UGGT1: variants seen among roughly 807,000 people sequenced by gnomAD.
UGGT1 encodes the protein UDP-glucose glycoprotein glucosyltransferase 1, also known as UDP-glucose:glycoprotein glucosyltransferase 1.
Under a neutral mutation model 203.9 loss-of-function variants are expected in UGGT1, and 107 were observed. That is an observed-to-expected ratio of 0.52 (90% CI 0.45 to 0.62). The LOEUF (loss-of-function observed/expected upper bound fraction) is 0.62. Among genes scored for constraint, UGGT1 ranks in the 20% least tolerant of loss-of-function variants. The pLI is 0.00. For missense variants in UGGT1, 1,673 were observed against 1,867.2 expected, an observed-to-expected ratio of 0.90 and a Z score of 1.92; for synonymous variants, 628 against 653.5, an observed-to-expected ratio of 0.96 and a Z score of 0.59.
Position 128,116,259 on chromosome 2 carries a change from T to C in UGGT1, c.794-6T>C. 5 of 1,578,340 alleles carry C rather than the reference T, an allele frequency of 3.2e-6. No homozygotes were observed. Among genetic ancestry groups the C allele is most frequent in the Non-Finnish European group, 4.3e-6 (5 of 1,149,666 alleles). On this transcript the variant is annotated splice_polypyrimidine_tract_variant and splice_region_variant and intron_variant, in intron 7 of 40. Coordinates refer to ENST00000259253, the MANE Select transcript of UGGT1 (RefSeq NM_020120.4). The stretch of plus-strand genomic sequence containing the variant: ...TTAATAATATGTATTTTCTATTCTT[T>C]CATAGGAACTGAGGTAAACACCACA...
At position 128,185,351 on chromosome 2, in the gene UGGT1, G is replaced by A. The variant is rs527914533; in HGVS notation, c.4360-1332G>A. On this transcript the variant is annotated intron_variant, in intron 38 of 40. Coordinates refer to ENST00000259253, the MANE Select transcript of UGGT1 (RefSeq NM_020120.4). Reference sequence around the variant, plus strand: ...CCCAGCTAATTTTTCTGTATTTTTAGTTGAGACAGGGTTTCACCATGTTGG... The same window carrying A: ...CCCAGCTAATTTTTCTGTATTTTTAATTGAGACAGGGTTTCACCATGTTGG... Among the ~76,000 whole-genome samples, 28 of 150,236 alleles carry A rather than the reference G, an allele frequency of 1.9e-4. No homozygotes were observed. The South Asian group carries it at 5.9e-3, about 32-fold the overall frequency.
intron 38 of UGGT1, among the ~76,000 whole-genome samples, chr2:128,184,941 C>G (rs1208317589): frequency 6.6e-6 from 1 of 152,100 alleles, no homozygotes; most frequent in Non-Finnish European, 1.5e-5. Context: ...TTTGGCCTCC[C>G]AAAGTGCCGG....
At chr2:128,091,452 A>G (rs1395872136) in intron 1 of UGGT1, 37 bp downstream of exon 1, 3 of 1,561,684 alleles carry the variant, frequency 1.9e-6, no homozygotes, top group African/African-American at 1.4e-5. Context: ...TCGTGGACAA[A>G]GAGAGGGTTT....
intron 15 of UGGT1, among the ~76,000 whole-genome samples, chr2:128,137,183 A>G (rs1431444003): frequency 6.6e-6 from 1 of 152,202 alleles, no homozygotes; most frequent in African/African-American, 2.4e-5. Context: ...TTGGGAGGCC[A>G]AGGTGGGAGG....
intron 37 of UGGT1, among the ~76,000 whole-genome samples, chr2:128,182,766 C>G (rs1186289131): frequency 1.3e-5 from 2 of 151,454 alleles, no homozygotes; most frequent in South Asian, 2.1e-4. Context: ...TACTCAGTTC[C>G]TGTTCTCACA....
intron 34 of UGGT1, 70 bp downstream of exon 34, chr2:128,178,639 G>T: frequency 1.5e-6 from 2 of 1,375,394 alleles, no homozygotes; most frequent in East Asian, 2.4e-5. Flanking sequence ...AGAGAGGAAA[G>T]GTTTTGTGGG....
intron 29 of UGGT1, among the ~76,000 whole-genome samples, chr2:128,173,357 T>C (rs1400207043): frequency 1.3e-5 from 2 of 152,270 alleles, no homozygotes; most frequent in Admixed American, 1.3e-4. Context: ...GTTTTTCTAC[T>C]GATACGTGAG....
At chr2:128,106,001 C>CACATGCTG (rs892711134) in intron 3 of UGGT1, among the ~76,000 whole-genome samples, 100 of 152,146 alleles carry the variant, frequency 6.6e-4, no homozygotes, top group African/African-American at 2.4e-3. Flanking sequence ...AGCTGTGTTG[C>CACATGCTG]ACATGCTGGT....
intron 25 of UGGT1, among the ~76,000 whole-genome samples, 165 bp downstream of exon 25, chr2:128,161,433 T>C (rs1442175415): frequency 6.6e-6 from 1 of 152,250 alleles, no homozygotes; most frequent in Non-Finnish European, 1.5e-5. Flanking sequence ...TATGCTTCTG[T>C]TGAAACAAGA....
intron 26 of UGGT1, among the ~76,000 whole-genome samples, chr2:128,167,452 G>C (rs1333643186): frequency 1.3e-5 from 2 of 152,066 alleles, no homozygotes; most frequent in African/African-American, 4.8e-5. Context: ...GTATATTCTT[G>C]CCCTCAAAGT....
At chr2:128,094,189 A>G (rs1233057185) in intron 1 of UGGT1, among the ~76,000 whole-genome samples, 2 of 152,138 alleles carry the variant, frequency 1.3e-5, no homozygotes, top group Non-Finnish European at 2.9e-5. Context: ...TAATAGCGTA[A>G]TACTGCTAGA....
At chr2:128,142,263 A>G (rs12617344) in intron 16 of UGGT1, among the ~76,000 whole-genome samples, 88,998 of 151,232 alleles carry the variant, frequency 0.59, 26,432 homozygotes, top group East Asian at 0.66. Context: ...CTTAACTAAT[A>G]TATTTTTTCA....
chr2:128,133,754 T>G (rs1688993405), intron 14 of UGGT1, among the ~76,000 whole-genome samples: 1 of 152,200 alleles, frequency 6.6e-6, no homozygotes, highest in South Asian at 2.1e-4. Context: ...TATTACAGCA[T>G]ATTGCTACTG....
chr2:128,186,672 T>TA lies in UGGT1; in HGVS notation c.4360-9dup. On this transcript the variant is annotated splice_polypyrimidine_tract_variant and intron_variant, in intron 38 of 40. Transcript: ENST00000259253. ...CATGTATTTTATTTTTATTTTTTTTTAACCAAACAGGATCTGCCCAATAAC... is the reference window on the plus strand; with the variant it reads ...CATGTATTTTATTTTTATTTTTTTTTAAACCAAACAGGATCTGCCCAATAAC... The TA allele has an allele frequency of 6.3e-7, 1 of 1,580,722 alleles. No homozygotes were observed. The highest frequency in any genetic ancestry group is 8.6e-7 in the Non-Finnish European group (1 of 1,160,474).
At chr2:128,114,844 A>T (rs948920622) in intron 6 of UGGT1, among the ~76,000 whole-genome samples, 2 of 152,224 alleles carry the variant, frequency 1.3e-5, no homozygotes, top group Non-Finnish European at 1.5e-5. Flanking sequence ...AGGAGAGAAT[A>T]TAGACTCTGG....
chr2:128,165,354 C>T (rs949333121), intron 26 of UGGT1, among the ~76,000 whole-genome samples: 8 of 152,180 alleles, frequency 5.3e-5, no homozygotes, highest in African/African-American at 1.9e-4. Flanking sequence ...GATCTCATCA[C>T]TGCACTTCCA....
At position 128,170,694 on chromosome 2, in the gene UGGT1, G is replaced by A. The variant is rs539453354; in HGVS notation, c.3024+304G>A. 3.3e-5 allele frequency among the ~76,000 whole-genome samples: 5 copies of A among 152,154 alleles called. No individual in the cohort carries two copies. The East Asian group carries it at 7.7e-4, about 23-fold the overall frequency. ...CTATATTTTAATTTATAATATCAGA[G>A]ATAAAATAAATATGTTTTTTCATTT... On this transcript the variant is annotated intron_variant, in intron 27 of 40. Transcript: ENST00000259253.
chr2:128,128,994 T>C, intron 12 of UGGT1, 35 bp from the exon 13 acceptor site: 2 of 1,501,210 alleles, frequency 1.3e-6, no homozygotes, highest in Admixed American at 2.5e-5. Flanking sequence ...AAGCTTTTTT[T>C]CCTAGTAAAT....
At chr2:128,106,490 A>G (rs1484699679) in intron 3 of UGGT1, among the ~76,000 whole-genome samples, 1 of 152,202 alleles carries the variant, frequency 6.6e-6, no homozygotes. Flanking sequence ...ATGCTGTTGC[A>G]GTATAAAACC....
Sources: allele counts gnomAD v4.1 joint callset (sites outside exome capture counted in the v4.1 genomes callset), GRCh38; gene constraint gnomAD v4.1.1; transcripts MANE v1.5; gene names NCBI Gene and HGNC (gene_info 2026-07-23, HGNC 2026-07-21).